Variants in AP2B1 observed in about 807,000 individuals in gnomAD.
The protein encoded by AP2B1 is adaptor related protein complex 2 subunit beta 1, also known as AP-2 complex subunit beta.
Under a neutral mutation model 102.0 loss-of-function variants are expected in AP2B1, and 23 were observed. That is an observed-to-expected ratio of 0.23 (90% CI 0.16 to 0.32). The LOEUF (loss-of-function observed/expected upper bound fraction) is 0.32, where lower values mean the gene tolerates loss of function less well. Among genes scored for constraint, AP2B1 ranks in the 10% least tolerant of loss-of-function variants. The pLI is 1.00. For missense variants in AP2B1, 541 were observed against 1,157.4 expected, an observed-to-expected ratio of 0.47 and a Z score of 7.73; for synonymous variants, 381 against 421.2, an observed-to-expected ratio of 0.90 and a Z score of 1.17.
intron 7 of AP2B1, among the ~76,000 whole-genome samples, 179 bp downstream of exon 7, chr17:35,627,021 T>C (rs1311449400): frequency 1.3e-5 from 2 of 152,200 alleles, no homozygotes; most frequent in Admixed American, 6.5e-5. Flanking sequence ...ACAGTGTTTC[T>C]ATAATAAATG....
chr17:35,720,571 A>AT (rs1164042261), intron 21 of AP2B1, among the ~76,000 whole-genome samples: 483 of 44,138 alleles, frequency 0.011, 11 homozygotes, highest in Middle Eastern at 0.016. Flanking sequence ...ATATATATAT[A>AT]TATTTTTTTT....
intron 21 of AP2B1, among the ~76,000 whole-genome samples, chr17:35,719,128 T>A (rs1470619882): frequency 6.6e-6 from 1 of 152,184 alleles, no homozygotes; most frequent in African/African-American, 2.4e-5. Flanking sequence ...TTTTACCCAG[T>A]TTTCCCCATT....
intron 14 of AP2B1, among the ~76,000 whole-genome samples, chr17:35,658,156 G>A (rs1343265849): frequency 1.3e-5 from 2 of 152,054 alleles, no homozygotes; most frequent in South Asian, 4.1e-4. Context: ...GACCTGAACG[G>A]CATTAAAGTG....
chr17:35,596,800 GC>G, intron 2 of AP2B1: 1 of 622,072 alleles, frequency 1.6e-6, no homozygotes, highest in Non-Finnish European at 3.0e-6. Flanking sequence ...AGCTGCATGG[GC>G]CCCCGCAGCG....
intron 2 of AP2B1, among the ~76,000 whole-genome samples, chr17:35,595,873 C>T (rs1454688001): frequency 9.9e-5 from 15 of 151,680 alleles, no homozygotes; most frequent in East Asian, 1.9e-4. Flanking sequence ...TGTGCTTTGA[C>T]GAACAAAATG....
At chr17:35,705,139 C>T (rs1458454571) in intron 18 of AP2B1, among the ~76,000 whole-genome samples, 4 of 152,154 alleles carry the variant, frequency 2.6e-5, no homozygotes, top group Admixed American at 2.6e-4. Context: ...AGGAAATAGG[C>T]TGGAGAGGTA....
intron 21 of AP2B1, among the ~76,000 whole-genome samples, chr17:35,722,737 G>A (rs1337830612): frequency 6.6e-6 from 1 of 152,150 alleles, no homozygotes; most frequent in African/African-American, 2.4e-5. Context: ...GAGGAATGAT[G>A]TCAGCAATAT....
intron 4 of AP2B1, among the ~76,000 whole-genome samples, chr17:35,606,861 C>G (rs1004045345): frequency 6.6e-6 from 1 of 151,936 alleles, no homozygotes; most frequent in Non-Finnish European, 1.5e-5. Flanking sequence ...TCAAATCTTT[C>G]CTATCATAGA....
In AP2B1 at chr17:35,636,270, A is replaced by G. The variant is rs573673466; in HGVS notation, c.1156-71A>G. On this transcript the variant is annotated intron_variant, in intron 9 of 21. Coordinates refer to ENST00000610402, the MANE Select transcript of AP2B1 (RefSeq NM_001030006.2). ...TTAGTTGATGCACCTGCATGTTTCAAAATTTTTATGTTGAGGTGGTGTTAT... is the reference window on the plus strand; with the variant it reads ...TTAGTTGATGCACCTGCATGTTTCAGAATTTTTATGTTGAGGTGGTGTTAT... 4.5e-5 allele frequency: 51 copies of G among 1,127,872 alleles called. No individual in the cohort carries two copies. The African/African-American group carries it at 6.9e-4, about 15-fold the overall frequency. 69.9% of individuals were successfully genotyped at this position (1,127,872 alleles called of 1,614,324 possible).
rs139220308 is a variant in AP2B1, at chr17:35,656,412, G to A, written c.1797-1187G>A. Among the ~76,000 whole-genome samples, 611 of 152,212 alleles carry A rather than the reference G, an allele frequency of 4.0e-3. 1 individual carries two copies. Among genetic ancestry groups the A allele is most frequent in the Non-Finnish European group, 6.2e-3 (420 of 67,988 alleles). ...TCTTTTTATTTTTATTGCCTGTTGAGTTGTTGTTATTTCATACATTGTTGA... is the reference window on the plus strand; with the variant it reads ...TCTTTTTATTTTTATTGCCTGTTGAATTGTTGTTATTTCATACATTGTTGA... On this transcript the variant is annotated intron_variant, in intron 13 of 21. Coordinates refer to ENST00000610402, the MANE Select transcript of AP2B1 (RefSeq NM_001030006.2).
intron 17 of AP2B1, among the ~76,000 whole-genome samples, chr17:35,680,708 T>C (rs587723549): frequency 7.2e-6 from 1 of 138,804 alleles, no homozygotes; most frequent in East Asian, 2.0e-4. Flanking sequence ...TTGTTTTTTT[T>C]TTTTTTTTCA....
intron 5 of AP2B1, among the ~76,000 whole-genome samples, chr17:35,616,225 C>T (rs1250186217): frequency 1.2e-4 from 16 of 131,718 alleles, no homozygotes; most frequent in African/African-American, 2.9e-4. Context: ...AGTGCAGTGG[C>T]GCGATCTCGG....
intron 21 of AP2B1, among the ~76,000 whole-genome samples, chr17:35,718,669 G>A (rs1486189252): frequency 1.3e-5 from 2 of 151,808 alleles, no homozygotes; most frequent in Non-Finnish European, 2.9e-5. Flanking sequence ...GTAACATAGT[G>A]AGACCTTGTC....
chr17:35,696,002 A>G (rs1026100417), intron 18 of AP2B1, among the ~76,000 whole-genome samples: 7 of 152,190 alleles, frequency 4.6e-5, no homozygotes, highest in African/African-American at 1.7e-4. Context: ...AGCAACTTTC[A>G]TCTGCCCACT....
In AP2B1 at chr17:35,641,972, A is replaced by G. The variant is rs767453404; in HGVS notation, c.1533A>G (p.Thr511=). The stretch of plus-strand genomic sequence containing the variant: ...TCCAGCAGGTCTTGAGTTTGGCAAC[A>G]CAGGTAAGAAATCTGGAAAAAGCAA... ...ELVQQVLSLA[T]QDSDNPDLRD... The change falls in exon 12 of 22, where the codon ACA becomes ACG. Residue 511 remains threonine (T), a synonymous_variant. Transcript: ENST00000610402. The G allele has an allele frequency of 1.2e-6, 2 of 1,610,078 alleles. No homozygotes were observed. Among genetic ancestry groups the G allele is most frequent in the African/African-American group, 1.3e-5 (1 of 75,014 alleles).
intron 2 of AP2B1, among the ~76,000 whole-genome samples, chr17:35,597,584 T>C (rs902767953): frequency 2.6e-5 from 4 of 152,228 alleles, no homozygotes; most frequent in Non-Finnish European, 4.4e-5. Context: ...ATTCTCAACA[T>C]TGGGTGTGCG....
At chr17:35,674,094 A>C in intron 16 of AP2B1, 82 bp from the exon 17 acceptor site, 1 of 1,382,678 alleles carries the variant, frequency 7.2e-7, no homozygotes, top group South Asian at 1.4e-5. Context: ...TGTTAATCTT[A>C]ATTTGTTTTT....
At chr17:35,698,255 GA>G (rs1379281786) in intron 18 of AP2B1, among the ~76,000 whole-genome samples, 1 of 152,022 alleles carries the variant, frequency 6.6e-6, no homozygotes, top group Non-Finnish European at 1.5e-5. Flanking sequence ...CTTAAAAAAT[GA>G]ACCACCCAGC....
chr17:35,596,656 C>T (rs953241324), intron 2 of AP2B1, among the ~76,000 whole-genome samples: 1 of 152,032 alleles, frequency 6.6e-6, no homozygotes, highest in Non-Finnish European at 1.5e-5. Context: ...GGGCCTTCCG[C>T]GGAGGCCGCC....
Sources: gnomAD v4.1 joint callset for allele counts (sites outside exome capture counted in the v4.1 genomes callset) on GRCh38, gnomAD v4.1.1 for gene constraint, MANE v1.5 for transcripts, NCBI Gene and HGNC (gene_info 2026-07-23, HGNC 2026-07-21) for gene names.